GPHN: variants seen among roughly 807,000 people sequenced by gnomAD.
The protein encoded by GPHN is gephyrin.
GPHN carries 17 observed loss-of-function variants against 95.5 expected under a neutral mutation model. The ratio of observed to expected loss-of-function variants is 0.18; its 90% CI spans 0.12 to 0.27. The LOEUF (loss-of-function observed/expected upper bound fraction) is 0.27. GPHN is among the 10% of genes least tolerant of loss of function. GPHN has a pLI of 1.00. For missense variants in GPHN, 660 were observed against 978.1 expected, an observed-to-expected ratio of 0.67 and a Z score of 4.34; for synonymous variants, 320 against 322.5, an observed-to-expected ratio of 0.99 and a Z score of 0.08.
the GPHN span, among the ~76,000 whole-genome samples, chr14:67,274,557 A>AT: frequency 3.0e-4 from 46 of 152,312 alleles, no homozygotes; most frequent in East Asian, 8.1e-3. Context: ...GGATAGGGTG[A>AT]TGCCTTCAGC....
the GPHN span, among the ~76,000 whole-genome samples, chr14:67,215,052 TAAG>T: frequency 6.6e-6 from 1 of 152,176 alleles, no homozygotes; most frequent in Non-Finnish European, 1.5e-5. Flanking sequence ...CTTGTCAGCT[TAAG>T]GAGATTCTGG....
intron 9 of GPHN, among the ~76,000 whole-genome samples, chr14:66,970,111 G>C (rs1283044383): frequency 7.0e-6 from 1 of 142,186 alleles, no homozygotes; most frequent in South Asian, 2.2e-4. Context: ...TTTGCTCTTA[G>C]GAAGAAAATA....
chr14:66,841,550 A>G (rs987693223), intron 4 of GPHN, among the ~76,000 whole-genome samples: 4 of 152,168 alleles, frequency 2.6e-5, no homozygotes, highest in Admixed American at 6.5e-5. Context: ...AACAGATGCA[A>G]TAAGATAAAG....
At chr14:66,600,462 A>G (rs965923703) in intron 1 of GPHN, among the ~76,000 whole-genome samples, 7 of 152,138 alleles carry the variant, frequency 4.6e-5, no homozygotes, top group African/African-American at 1.4e-4. Context: ...TGGAATTACA[A>G]TGTTAGGTTC....
chr14:66,510,538 C>G (rs2058003004), intron 1 of GPHN, among the ~76,000 whole-genome samples: 1 of 152,134 alleles, frequency 6.6e-6, no homozygotes, highest in South Asian at 2.1e-4. Context: ...AATGAAGAAA[C>G]ATTGTATGTA....
At chr14:67,517,697 C>T in the GPHN span, among the ~76,000 whole-genome samples, 1 of 152,012 alleles carries the variant, frequency 6.6e-6, no homozygotes, top group Non-Finnish European at 1.5e-5. Flanking sequence ...TCATTTCTTC[C>T]CAAAAAAATT....
intron 3 of GPHN, among the ~76,000 whole-genome samples, chr14:66,798,882 C>G (rs2060249747): frequency 6.6e-6 from 1 of 151,256 alleles, no homozygotes; most frequent in Non-Finnish European, 1.5e-5. Flanking sequence ...CCTTGCTTGT[C>G]TAGTTCTTTA....
At chr14:67,342,734 CAT>C in the GPHN span, among the ~76,000 whole-genome samples, 6 of 150,574 alleles carry the variant, frequency 4.0e-5, no homozygotes, top group African/African-American at 1.2e-4. Context: ...TCATATTATA[CAT>C]AGTTAATATA....
At position 67,090,983 on chromosome 14, in the gene GPHN, C is replaced by A. The variant is rs977737069; in HGVS notation, c.1237+1908C>A. 2.1e-4 allele frequency among the ~76,000 whole-genome samples: 32 copies of A among 150,104 alleles called. 1 individual carries two copies. The highest frequency in any genetic ancestry group is 7.6e-4 in the African/African-American group (31 of 40,920). ...CCTGGCACACATTTAAAAAAAAAAA[C>A]ACTTGATAATTGTTTTTTAAAATAT... is the stretch of plus-strand genomic sequence containing the variant. On this transcript the variant is annotated intron_variant, in intron 12 of 22. Transcript: ENST00000478722.
chr14:66,621,421 G>A (rs1325702405), intron 1 of GPHN, among the ~76,000 whole-genome samples: 21 of 133,224 alleles, frequency 1.6e-4, no homozygotes, highest in Admixed American at 3.0e-4. Context: ...GGCCAGGGCT[G>A]TCAAATCTTT....
At chr14:66,885,070 A>AT (rs1277859011) in intron 5 of GPHN, among the ~76,000 whole-genome samples, 1 of 151,988 alleles carries the variant, frequency 6.6e-6, no homozygotes, top group Non-Finnish European at 1.5e-5. Context: ...CACAAAACTT[A>AT]TTTTTTATAG....
At chr14:67,376,118 T>C in the GPHN span, among the ~76,000 whole-genome samples, 49 of 152,022 alleles carry the variant, frequency 3.2e-4, no homozygotes, top group African/African-American at 1.1e-3. Context: ...TATAGCCGTT[T>C]TCCATTTATA....
chr14:66,521,262 T>G (rs1456327742), intron 1 of GPHN, among the ~76,000 whole-genome samples: 1 of 150,570 alleles, frequency 6.6e-6, no homozygotes, highest in East Asian at 1.9e-4. Context: ...CAGAGGAAAT[T>G]TTTTTTTTCT....
At chr14:67,659,471 G>GTTTT in the GPHN span, among the ~76,000 whole-genome samples, 3 of 148,010 alleles carry the variant, frequency 2.0e-5, no homozygotes, top group Non-Finnish European at 4.5e-5. Context: ...ACAAAGCACT[G>GTTTT]TTTTTTTTTT....
chr14:66,968,874 A>G (rs2069533823), intron 9 of GPHN, among the ~76,000 whole-genome samples: 1 of 152,184 alleles, frequency 6.6e-6, no homozygotes, highest in African/African-American at 2.4e-5. Context: ...TCAAGAATAC[A>G]TAATATTATG....
intron 11 of GPHN, among the ~76,000 whole-genome samples, chr14:67,072,899 T>G (rs1394180195): frequency 6.6e-6 from 1 of 152,254 alleles, no homozygotes; most frequent in South Asian, 2.1e-4. Flanking sequence ...GCTAATTTCC[T>G]TACTTTCATT....
chr14:67,670,807 T>C, the GPHN span, among the ~76,000 whole-genome samples: 1 of 152,196 alleles, frequency 6.6e-6, no homozygotes, highest in African/African-American at 2.4e-5. Context: ...ACTACCAGCA[T>C]GAGCCACCGT....
chr14:67,292,922 T>C, the GPHN span, among the ~76,000 whole-genome samples: 1 of 152,178 alleles, frequency 6.6e-6, no homozygotes, highest in Non-Finnish European at 1.5e-5. Context: ...CAGAACACTG[T>C]TTCATGAAGA....
chr14:67,279,066 G>C, the GPHN span: 1 of 857,330 alleles, frequency 1.2e-6, no homozygotes, highest in Non-Finnish European at 1.6e-6. Flanking sequence ...GATGTGAGAA[G>C]TTTTTTTTTT....
Sources: allele counts gnomAD v4.1 joint callset (sites outside exome capture counted in the v4.1 genomes callset), GRCh38; gene constraint gnomAD v4.1.1; transcripts MANE v1.5; gene names NCBI Gene and HGNC (gene_info 2026-07-23, HGNC 2026-07-21).